The following JMY variants were observed in gnomAD, a reference collection of about 807,000 sequenced individuals.
JMY encodes junction-mediating and -regulatory protein.
In JMY, 46 loss-of-function variants were observed where a neutral mutation model predicts 103.3. That is an observed-to-expected ratio of 0.45 (90% CI 0.35 to 0.57). The LOEUF (loss-of-function observed/expected upper bound fraction) is 0.57. JMY is among the 20% of genes least tolerant of loss of function. The pLI, the probability that JMY is intolerant of heterozygous loss-of-function variation, is 0.00. For missense variants in JMY, 1,238 were observed against 1,255.2 expected, an observed-to-expected ratio of 0.99 and a Z score of 0.21; for synonymous variants, 526 against 489.3, an observed-to-expected ratio of 1.07 and a Z score of -0.99.
chr5:79,306,082 G>GAA (rs1329212783), intron 6 of JMY, among the ~76,000 whole-genome samples: 21 of 152,278 alleles, frequency 1.4e-4, no homozygotes, highest in African/African-American at 5.1e-4. Context: ...CTTCAGATCT[G>GAA]AAAGAGACCT....
chr5:79,318,757 TATATAGAGAGAGAG>T (rs1479261343), intron 10 of JMY, among the ~76,000 whole-genome samples: 135 of 24,714 alleles, frequency 5.5e-3, no homozygotes, highest in Non-Finnish European at 3.0e-3. Flanking sequence ...TATATATATA[TATATAGAGAGAGAG>T]AGAGAGAGAG....
At chr5:79,252,931 G>C (rs1012243221) in intron 1 of JMY, among the ~76,000 whole-genome samples, 1 of 152,078 alleles carries the variant, frequency 6.6e-6, no homozygotes, top group Non-Finnish European at 1.5e-5. Flanking sequence ...CAGTGTTATT[G>C]ATAAGTACCT....
intron 10 of JMY, among the ~76,000 whole-genome samples, chr5:79,319,089 A>G (rs1747354338): frequency 6.6e-6 from 1 of 152,176 alleles, no homozygotes; most frequent in Non-Finnish European, 1.5e-5. Flanking sequence ...TGCTCAAGTC[A>G]GCCTATCCTT....
chr5:79,285,959 C>T (rs555854521), intron 2 of JMY, among the ~76,000 whole-genome samples: 57 of 72,778 alleles, frequency 7.8e-4, no homozygotes, highest in East Asian at 6.5e-4. Context: ...AGCTGACACG[C>T]GCTTTTTTTC....
chr5:79,250,429 C>T (rs913165836), intron 1 of JMY, among the ~76,000 whole-genome samples: 1 of 152,118 alleles, frequency 6.6e-6, no homozygotes. Context: ...ATTGATAGCT[C>T]TTCTCCATTT....
At chr5:79,267,365 GATTGGAGTGCTCCATCTGTTC>G (rs1236920869) in intron 1 of JMY, among the ~76,000 whole-genome samples, 2 of 151,890 alleles carry the variant, frequency 1.3e-5, no homozygotes, top group Non-Finnish European at 2.9e-5. Flanking sequence ...CCCATCTGTT[GATTGGAGTGCTCCATCTGTTC>G]ATTGGAGTGC....
intron 1 of JMY, among the ~76,000 whole-genome samples, chr5:79,251,460 T>C (rs1745081482): frequency 1.3e-5 from 2 of 152,106 alleles, no homozygotes; most frequent in African/African-American, 4.8e-5. Flanking sequence ...ACATAAGATG[T>C]TTTGATACAG....
At chr5:79,284,696 G>A (rs540327309) in intron 2 of JMY, 2 of 1,591,532 alleles carry the variant, frequency 1.3e-6, no homozygotes, top group Admixed American at 3.3e-5. Flanking sequence ...TCATCATTCT[G>A]CAAATCAGCA....
chr5:79,285,003 A>G (rs1040974955), intron 2 of JMY: 8 of 871,104 alleles, frequency 9.2e-6, no homozygotes, highest in Non-Finnish European at 1.4e-5. Flanking sequence ...AGATTTTTAA[A>G]TCCAGTGTCT....
At chr5:79,249,272 T>C (rs976158900) in intron 1 of JMY, among the ~76,000 whole-genome samples, 13 of 152,168 alleles carry the variant, frequency 8.5e-5, no homozygotes, top group Admixed American at 2.6e-4. Flanking sequence ...TCCTCCTGCA[T>C]TGGCCTCCCA....
intron 2 of JMY, among the ~76,000 whole-genome samples, chr5:79,279,355 C>A (rs979099110): frequency 3.3e-5 from 5 of 152,028 alleles, no homozygotes; most frequent in African/African-American, 1.2e-4. Flanking sequence ...TAAATTTTTT[C>A]CCCCACAACA....
chr5:79,241,800 A>G (rs777373632), intron 1 of JMY, among the ~76,000 whole-genome samples: 1 of 152,218 alleles, frequency 6.6e-6, no homozygotes, highest in Non-Finnish European at 1.5e-5. Context: ...AGAGTTTACT[A>G]TTGGAAGCAG....
intron 1 of JMY, among the ~76,000 whole-genome samples, chr5:79,274,397 T>G (rs957335705): frequency 7.0e-5 from 9 of 128,998 alleles, no homozygotes; most frequent in South Asian, 6.9e-4. Context: ...AAAAATAGTG[T>G]TTTTTTTTGT....
Position 79,325,516 on chromosome 5 carries a change from C to G in JMY, c.*3914C>G, listed in dbSNP as rs993180254. On this transcript the variant is annotated 3_prime_UTR_variant, in exon 11 of 11. Transcript: ENST00000396137. ...ATTAAGTGTGCATTTTAAACAGATT[C>G]TATTTCCCACTTACTGCTTAGCATA... 1 of 152,120 alleles carries G rather than the reference C, an allele frequency of 6.6e-6. No individual in the cohort carries two copies. The highest frequency in any genetic ancestry group is 1.5e-5 in the Non-Finnish European group (1 of 68,014). 9.4% of individuals were successfully genotyped at this position (152,120 alleles called of 1,614,324 possible).
rs370091384 is a variant in JMY at position 79,312,076 on chromosome 5, C to G, written c.1969-327C>G. On this transcript the variant is annotated intron_variant, in intron 7 of 10. Coordinates refer to ENST00000396137, the MANE Select transcript of JMY (RefSeq NM_152405.5). ...AGGTGATCCACCCGCCTCAGCCTCC[C>G]AAAGTGCTAGGATTATAGGTGTGAG... is the stretch of plus-strand genomic sequence containing the variant. 1.8e-4 allele frequency among the ~76,000 whole-genome samples: 27 copies of G among 152,250 alleles called. No homozygotes were observed. In the East Asian group the frequency reaches 3.1e-3, roughly 17 times the overall value.
chr5:79,317,613 CA>C (rs1174763038), intron 10 of JMY, among the ~76,000 whole-genome samples: 1 of 152,030 alleles, frequency 6.6e-6, no homozygotes, highest in African/African-American at 2.4e-5. Flanking sequence ...AAACATTCAC[CA>C]AAGTAGGGAA....
intron 10 of JMY, 125 bp downstream of exon 10, chr5:79,316,435 G>T: frequency 1.5e-6 from 1 of 660,178 alleles, no homozygotes; most frequent in Non-Finnish European, 2.5e-6. Flanking sequence ...TTTTAGCATG[G>T]ATCACAAATT....
intron 7 of JMY, among the ~76,000 whole-genome samples, chr5:79,310,769 A>G (rs965862118): frequency 7.2e-5 from 11 of 152,176 alleles, no homozygotes; most frequent in African/African-American, 2.4e-4. Context: ...TATTAGCTCA[A>G]ATTGGATAAG....
Position 79,237,042 on chromosome 5 carries a change from C to A in JMY, c.392C>A (p.Pro131His). The A allele has an allele frequency of 6.6e-7, 1 of 1,518,662 alleles. No individual in the cohort carries two copies. The allele number at this position is 1,518,662 out of a possible 1,614,324, so 94.1% of individuals were successfully genotyped here. ...SLLGDPRLRSPGSKGAESRLR... is the reference protein window; with the variant it reads ...SLLGDPRLRSHGSKGAESRLR... ...CTGGGGGACCCGCGGCTGCGGAGTC[C>A]TGGCAGCAAAGGGGCGGAGAGTCGT... Residue 131 changes from proline (P) to histidine (H), a missense_variant, in exon 1 of 11, where the codon CCT (proline) becomes CAT (histidine). Coordinates refer to ENST00000396137, the MANE Select transcript of JMY (RefSeq NM_152405.5).
Sources: gnomAD v4.1 joint callset for allele counts (sites outside exome capture counted in the v4.1 genomes callset) on GRCh38, gnomAD v4.1.1 for gene constraint, MANE v1.5 for transcripts, NCBI Gene and HGNC (gene_info 2026-07-23, HGNC 2026-07-21) for gene names.